Variants in GRIK1 observed in about 807,000 individuals in gnomAD.
GRIK1 encodes glutamate ionotropic receptor kainate type subunit 1.
In GRIK1, 69 loss-of-function variants were observed where a neutral mutation model predicts 105.7. The observed-to-expected ratio is 0.65, with a 90% CI of 0.54 to 0.80. The LOEUF (loss-of-function observed/expected upper bound fraction) is 0.80. Among genes scored for constraint, GRIK1 ranks in the 30% least tolerant of loss-of-function variants. The pLI is 0.00. For synonymous variants in GRIK1, 438 were observed against 431.3 expected, an observed-to-expected ratio of 1.02 and a Z score of -0.19; for missense variants, 1,109 against 1,167.3, an observed-to-expected ratio of 0.95 and a Z score of 0.73.
chr21:29,859,566 C>T (rs1360516159), intron 1 of GRIK1, among the ~76,000 whole-genome samples: 2 of 152,188 alleles, frequency 1.3e-5, no homozygotes. Flanking sequence ...ACTCCCGTCT[C>T]CTCACACTGG....
At chr21:29,672,782 C>T (rs1325054656) in intron 4 of GRIK1, among the ~76,000 whole-genome samples, 3 of 152,212 alleles carry the variant, frequency 2.0e-5, no homozygotes, top group African/African-American at 7.2e-5. Flanking sequence ...CAACTAAACA[C>T]TCACATTATG....
intron 7 of GRIK1, among the ~76,000 whole-genome samples, chr21:29,635,665 A>T (rs2062383918): frequency 6.6e-6 from 1 of 152,230 alleles, no homozygotes. Context: ...AGTTGGTTGC[A>T]TTGGGATTAG....
intron 1 of GRIK1, among the ~76,000 whole-genome samples, chr21:29,739,340 G>C (rs923854513): frequency 6.6e-6 from 1 of 152,184 alleles, no homozygotes; most frequent in African/African-American, 2.4e-5. Context: ...ACCAAGGATA[G>C]TTCCCATAAC....
chr21:29,772,860 A>G (rs2065847406), intron 1 of GRIK1, among the ~76,000 whole-genome samples: 1 of 152,224 alleles, frequency 6.6e-6, no homozygotes, highest in Non-Finnish European at 1.5e-5. Flanking sequence ...AAAAATTTTA[A>G]GTTTTCATTG....
At chr21:29,900,214 AC>A (rs960067871) in intron 1 of GRIK1, among the ~76,000 whole-genome samples, 7 of 152,088 alleles carry the variant, frequency 4.6e-5, no homozygotes, top group African/African-American at 1.4e-4. Flanking sequence ...CTATGAAGAA[AC>A]TGCATCAATT....
intron 1 of GRIK1, among the ~76,000 whole-genome samples, chr21:29,935,156 G>A (rs114271575): frequency 9.1e-4 from 139 of 152,286 alleles, no homozygotes; most frequent in African/African-American, 3.3e-3. Flanking sequence ...GCACTTGGAA[G>A]CTAGAACCTA....
At chr21:29,938,426 A>G (rs2146387066) in intron 1 of GRIK1, among the ~76,000 whole-genome samples, 1 of 152,336 alleles carries the variant, frequency 6.6e-6, no homozygotes, top group East Asian at 1.9e-4. Flanking sequence ...AGCGAACAAT[A>G]ACTGGGTTTA....
intron 1 of GRIK1, among the ~76,000 whole-genome samples, chr21:29,819,041 G>A (rs951828521): frequency 6.6e-6 from 1 of 152,130 alleles, no homozygotes; most frequent in East Asian, 1.9e-4. Context: ...AGCAGAAAAA[G>A]GTGGCCCCAG....
At chr21:29,630,326 T>A (rs2062237523) in intron 7 of GRIK1, among the ~76,000 whole-genome samples, 1 of 152,002 alleles carries the variant, frequency 6.6e-6, no homozygotes, top group Non-Finnish European at 1.5e-5. Context: ...TCCCCTTGAG[T>A]GTGAGTGGGA....
At chr21:29,781,770 A>T (rs1481483803) in intron 1 of GRIK1, among the ~76,000 whole-genome samples, 1 of 129,430 alleles carries the variant, frequency 7.7e-6, no homozygotes. Flanking sequence ...TCCCGGGTTC[A>T]CGCCATTCTC....
At chr21:29,877,212 T>C (rs2069222714) in intron 1 of GRIK1, among the ~76,000 whole-genome samples, 2 of 152,158 alleles carry the variant, frequency 1.3e-5, no homozygotes, top group Admixed American at 6.6e-5. Flanking sequence ...TCCTTTATAT[T>C]TTATAACTTT....
At position 29,828,003 on chromosome 21, in the gene GRIK1, G is replaced by GTC. The variant is rs1210293030; in HGVS notation, c.118+111378_118+111379dup. On this transcript the variant is annotated intron_variant, in intron 1 of 17. Transcript: ENST00000327783. ...TCTCTCTCTCTCTCTCTCTCTCTCTGTCTCTCTCTGTGTGTGTGTGTGTGT... is the reference window on the plus strand; with the variant it reads ...TCTCTCTCTCTCTCTCTCTCTCTCTGTCTCTCTCTCTGTGTGTGTGTGTGTGT... Among the ~76,000 whole-genome samples the GTC allele has an allele frequency of 4.2e-3, 235 of 56,564 alleles. 3 individuals are homozygous for GTC. The highest frequency in any genetic ancestry group is 9.3e-3 in the African/African-American group (215 of 23,050). The allele number at this position is 56,564 out of a possible 152,430, so 37.1% of individuals were successfully genotyped here.
At chr21:29,630,018 G>A (rs966064046) in intron 7 of GRIK1, among the ~76,000 whole-genome samples, 4 of 152,138 alleles carry the variant, frequency 2.6e-5, no homozygotes, top group East Asian at 1.9e-4. Flanking sequence ...CCTGGGCATC[G>A]GGAAAGAGAA....
chr21:29,587,304 G>C, intron 12 of GRIK1, 62 bp downstream of exon 12: 2 of 1,027,594 alleles, frequency 1.9e-6, no homozygotes, highest in Admixed American at 3.7e-5. Context: ...TCTGCCTCTG[G>C]GACATACAGA....
At chr21:29,580,638 C>T (rs899943488) in intron 13 of GRIK1, among the ~76,000 whole-genome samples, 1 of 152,008 alleles carries the variant, frequency 6.6e-6, no homozygotes, top group Non-Finnish European at 1.5e-5. Context: ...TATTTTGCAG[C>T]TTATTGTCAA....
intron 1 of GRIK1, among the ~76,000 whole-genome samples, chr21:29,720,733 A>G (rs890359164): frequency 6.6e-6 from 1 of 152,130 alleles, no homozygotes; most frequent in Non-Finnish European, 1.5e-5. Context: ...CTAAGCGTAC[A>G]CACACGCACC....
At chr21:29,880,729 C>T (rs1048188651) in intron 1 of GRIK1, among the ~76,000 whole-genome samples, 12 of 152,146 alleles carry the variant, frequency 7.9e-5, no homozygotes, top group South Asian at 4.1e-4. Context: ...TAATTTAATG[C>T]TGATTTGTGG....
At chr21:29,640,097 G>T in intron 7 of GRIK1, among the ~76,000 whole-genome samples, 1 of 149,604 alleles carries the variant, frequency 6.7e-6, no homozygotes. Flanking sequence ...CTGCTGACTT[G>T]CTTCTTTTCA....
chr21:29,679,998 G>A (rs1435829362), intron 3 of GRIK1, among the ~76,000 whole-genome samples: 1 of 152,200 alleles, frequency 6.6e-6, no homozygotes, highest in East Asian at 1.9e-4. Flanking sequence ...TGCCATAGGA[G>A]GGAATATGCT....
Sources: gnomAD v4.1 joint callset for allele counts (sites outside exome capture counted in the v4.1 genomes callset) on GRCh38, gnomAD v4.1.1 for gene constraint, MANE v1.5 for transcripts, NCBI Gene and HGNC (gene_info 2026-07-23, HGNC 2026-07-21) for gene names.